The following CCDC181 variants were observed in gnomAD, a reference collection of about 807,000 sequenced individuals.
The protein encoded by CCDC181 is coiled-coil domain-containing protein 181.
Under a neutral mutation model 58.7 loss-of-function variants are expected in CCDC181, and 35 were observed. The ratio of observed to expected loss-of-function variants is 0.60; its 90% CI spans 0.46 to 0.79. CCDC181 has a LOEUF of 0.79. Among genes scored for constraint, CCDC181 ranks in the 30% least tolerant of loss-of-function variants. CCDC181 has a pLI of 0.00. For missense variants in CCDC181, 517 were observed against 583.9 expected (o/e 0.89, Z 1.18); for synonymous variants, 183 against 197.5 (o/e 0.93, Z 0.62).
intron 1 of CCDC181, among the ~76,000 whole-genome samples, chr1:169,426,455 T>C (rs1271669081): frequency 6.6e-6 from 1 of 152,216 alleles, no homozygotes; most frequent in Non-Finnish European, 1.5e-5. Context: ...TCTACCCTCT[T>C]AATACGGAAC....
chr1:169,406,529 G>A (rs1571470559), intron 4 of CCDC181, among the ~76,000 whole-genome samples: 1 of 152,048 alleles, frequency 6.6e-6, no homozygotes, highest in Admixed American at 6.6e-5. Flanking sequence ...CCATCATTCT[G>A]AGCAAACTAT....
chr1:169,430,428 G>A (rs1266510548), upstream of CCDC181, among the ~76,000 whole-genome samples: 1 of 152,094 alleles, frequency 6.6e-6, no homozygotes, highest in Non-Finnish European at 1.5e-5. Flanking sequence ...TATGAGCATG[G>A]GATTTGCTTC....
intron 4 of CCDC181, among the ~76,000 whole-genome samples, chr1:169,406,111 C>T (rs1463339041): frequency 6.6e-6 from 1 of 152,206 alleles, no homozygotes; most frequent in Admixed American, 6.5e-5. Flanking sequence ...CATCTCACAC[C>T]AGTTAGAATG....
intron 4 of CCDC181, among the ~76,000 whole-genome samples, chr1:169,397,929 T>C (rs764483858): frequency 2.0e-5 from 3 of 152,242 alleles, no homozygotes; most frequent in Non-Finnish European, 4.4e-5. Context: ...CCCCCAAATA[T>C]AAGCTTTGTG....
chr1:169,459,915 A>AAAAC (rs1557885097), intron 1 of CCDC181: 9 of 150,352 alleles, frequency 6.0e-5, no homozygotes, highest in African/African-American at 2.2e-4. Flanking sequence ...GAAAAAAAAA[A>AAAAC]AAAAAAAAAA....
intron 3 of CCDC181, among the ~76,000 whole-genome samples, chr1:169,419,377 C>A (rs575879138): frequency 2.0e-5 from 3 of 152,080 alleles, no homozygotes; most frequent in African/African-American, 7.2e-5. Flanking sequence ...GTCAGGAGTT[C>A]GAGACCAGAC....
chr1:169,395,198 C>A lies in CCDC181; in HGVS notation c.1379G>T (p.Arg460Ile), dbSNP rs540305771. The change falls in exon 6 of 6, where the codon AGA becomes ATA. Residue 460 changes from arginine to isoleucine, a missense_variant. Transcript: ENST00000367806. ...TGCCATTTTTTCCATCCGTTTCCTT[C>A]TTAACCATCTGTAGAAACAGGCATG... ...GRERAFKQWL[R>I]RKRMEKMAEQ... The A allele has an allele frequency of 1.2e-5, 19 of 1,610,674 alleles. No homozygotes were observed. In the South Asian group the frequency reaches 1.9e-4, roughly 16 times the overall value.
chr1:169,401,428 C>T (rs1292243728), intron 4 of CCDC181, among the ~76,000 whole-genome samples: 4 of 152,162 alleles, frequency 2.6e-5, no homozygotes, highest in Non-Finnish European at 4.4e-5. Flanking sequence ...CTCATACAGC[C>T]GGGTGCCCCT....
chr1:169,421,332 C>G, intron 3 of CCDC181, 31 bp downstream of exon 3: 2 of 1,500,912 alleles, frequency 1.3e-6, no homozygotes, highest in South Asian at 2.4e-5. Context: ...ACATACTCTA[C>G]TTTTAATATA....
chr1:169,422,426 T>G, intron 2 of CCDC181, 113 bp from the exon 3 acceptor site: 4 of 705,778 alleles, frequency 5.7e-6, no homozygotes, highest in Middle Eastern at 4.1e-4. Flanking sequence ...AAAATTTAAG[T>G]GTTTATTGCT....
In CCDC181 at chr1:169,407,435, T is replaced by C. The variant is rs147789516; in HGVS notation, c.1216-10044A>G. Among the ~76,000 whole-genome samples, 30 of 152,150 alleles carry C rather than the reference T, an allele frequency of 2.0e-4. No individual in the cohort carries two copies. In the East Asian group the frequency reaches 5.6e-3, roughly 28 times the overall value. ...TGATTTTCCACACATTCAGTATATA[T>C]GTATATATTCAGAGCAATGCCTTAA... On this transcript the variant is annotated intron_variant, in intron 4 of 5. Transcript: ENST00000367806.
intron 4 of CCDC181, among the ~76,000 whole-genome samples, chr1:169,406,373 A>G (rs1234011891): frequency 1.3e-5 from 2 of 152,226 alleles, no homozygotes; most frequent in East Asian, 1.9e-4. Flanking sequence ...CACTATTCAC[A>G]ATAGCAAAGA....
intron 2 of CCDC181, among the ~76,000 whole-genome samples, chr1:169,455,421 T>C (rs544516199): frequency 6.6e-6 from 1 of 152,200 alleles, no homozygotes; most frequent in East Asian, 1.9e-4. Context: ...TTTCAAATAT[T>C]GATAAACTGT....
chr1:169,405,555 G>A (rs10800445), intron 4 of CCDC181, among the ~76,000 whole-genome samples: 6,917 of 152,144 alleles, frequency 0.045, 216 homozygotes, highest in East Asian at 0.12. Flanking sequence ...AAGAAACGGC[G>A]GAAGGATTCC....
At chr1:169,416,638 A>G (rs553855500) in intron 4 of CCDC181, among the ~76,000 whole-genome samples, 1 of 152,314 alleles carries the variant, frequency 6.6e-6, no homozygotes, top group Admixed American at 6.5e-5. Flanking sequence ...CTTTCAAGAT[A>G]ATATTCTTTT....
intron 4 of CCDC181, among the ~76,000 whole-genome samples, chr1:169,415,154 G>A (rs1267828134): frequency 3.9e-5 from 6 of 152,116 alleles, no homozygotes; most frequent in African/African-American, 1.4e-4. Context: ...ACAATATACT[G>A]TACATTTATT....
At chr1:169,412,250 A>G (rs563838468) in intron 4 of CCDC181, among the ~76,000 whole-genome samples, 25 of 152,306 alleles carry the variant, frequency 1.6e-4, no homozygotes, top group African/African-American at 5.5e-4. Context: ...AACAGAGCCA[A>G]ATCATGAGTG....
At chr1:169,451,897 G>A (rs1390937818) in intron 2 of CCDC181, among the ~76,000 whole-genome samples, 1 of 152,026 alleles carries the variant, frequency 6.6e-6, no homozygotes, top group African/African-American at 2.4e-5. Context: ...GAGAACCAGC[G>A]TGGGTGACCA....
In CCDC181 at chr1:169,405,360, G is replaced by C. The variant is rs543216765; in HGVS notation, c.1216-7969C>G. ...GCCCACATTGCCAAGACAATCCTAA[G>C]CAAAAAGAACAAAGCTGGAGGCATC... On this transcript the variant is annotated intron_variant, in intron 4 of 5. Coordinates refer to ENST00000367806, the MANE Select transcript of CCDC181 (RefSeq NM_001300969.2). 4.6e-5 allele frequency among the ~76,000 whole-genome samples: 7 copies of C among 152,254 alleles called. 1 individual carries two copies. The South Asian group carries it at 1.4e-3, about 32-fold the overall frequency.
Sources: allele counts gnomAD v4.1 joint callset (sites outside exome capture counted in the v4.1 genomes callset), GRCh38; gene constraint gnomAD v4.1.1; transcripts MANE v1.5; gene names NCBI Gene and HGNC (gene_info 2026-07-23, HGNC 2026-07-21).